ATF7IP: variants seen among roughly 807,000 people sequenced by gnomAD.
ATF7IP encodes the protein activating transcription factor 7 interacting protein.
In ATF7IP, 23 loss-of-function variants were observed where a neutral mutation model predicts 106.4. That is an observed-to-expected ratio of 0.22 (90% CI 0.16 to 0.31). The LOEUF (loss-of-function observed/expected upper bound fraction) is 0.31, where lower values mean the gene tolerates loss of function less well. Ranked by LOEUF, ATF7IP falls within the 10% of genes least tolerant of loss-of-function variation. ATF7IP has a pLI of 1.00. For missense variants in ATF7IP, 1,334 were observed against 1,524.3 expected, an observed-to-expected ratio of 0.88 and a Z score of 2.08; for synonymous variants, 542 against 539.0, an observed-to-expected ratio of 1.01 and a Z score of -0.08.
At chr12:14,464,788 A>G (rs527493672) in intron 9 of ATF7IP, among the ~76,000 whole-genome samples, 1 of 152,378 alleles carries the variant, frequency 6.6e-6, no homozygotes, top group South Asian at 2.1e-4. Flanking sequence ...AATAATTAAC[A>G]TAGCTCTGAG....
At chr12:14,385,209 G>A (rs1414866624) in intron 1 of ATF7IP, 1 of 500,252 alleles carries the variant, frequency 2.0e-6, no homozygotes, top group Non-Finnish European at 3.5e-6. Flanking sequence ...CAAAGTGGGA[G>A]GGGCTTTGTT....
chr12:14,368,987 C>T (rs997518224), intron 1 of ATF7IP, among the ~76,000 whole-genome samples: 10 of 151,426 alleles, frequency 6.6e-5, no homozygotes, highest in African/African-American at 2.4e-4. Flanking sequence ...TCTTGCTCTG[C>T]TGCGCATGCT....
At position 14,480,958 on chromosome 12, in the gene ATF7IP, G is replaced by A. The variant is rs748562146; in HGVS notation, c.3098-45G>A. 1.5e-5 allele frequency: 23 copies of A among 1,566,862 alleles called. No individual in the cohort carries two copies. In the East Asian group the frequency reaches 3.1e-4, roughly 21 times the overall value. On this transcript the variant is annotated intron_variant, in intron 12 of 14. Transcript: ENST00000261168. ...TGCCATTTAATACTGTTTGCTTAACGTAGAATTTACTGTATTCTTAATATC... is the reference window on the plus strand; with the variant it reads ...TGCCATTTAATACTGTTTGCTTAACATAGAATTTACTGTATTCTTAATATC...
chr12:14,441,864 C>T (rs770404646), intron 5 of ATF7IP, among the ~76,000 whole-genome samples: 1 of 152,128 alleles, frequency 6.6e-6, no homozygotes, highest in Non-Finnish European at 1.5e-5. Context: ...TATTTTCTCC[C>T]GTTCTGTAAT....
Position 14,424,675 on chromosome 12 carries a change from C to T in ATF7IP, c.760C>T (p.Leu254=). 1 of 1,614,088 alleles carries T rather than the reference C, an allele frequency of 6.2e-7. No homozygotes were observed. Among genetic ancestry groups the T allele is most frequent in the South Asian group, 1.1e-5 (1 of 91,080 alleles). ...PASTDPASDD[L]ASGDLSSSEL... The stretch of plus-strand genomic sequence containing the variant: ...TTCCACTGATCCAGCCTCTGATGAT[C>T]TGGCCTCTGGTGATCTATCCTCTAG... The change falls in exon 2 of 15, where the codon CTG becomes TTG. Residue 254 remains leucine (L), a synonymous_variant. Coordinates refer to ENST00000261168, the MANE Select transcript of ATF7IP (RefSeq NM_018179.5).
At chr12:14,385,547 T>C in intron 1 of ATF7IP, 1 of 667,906 alleles carries the variant, frequency 1.5e-6, no homozygotes, top group Non-Finnish European at 2.5e-6. Flanking sequence ...GCCTTTATTA[T>C]GGAAACAGTA....
intron 6 of ATF7IP, among the ~76,000 whole-genome samples, chr12:14,448,629 A>G (rs576091939): frequency 2.1e-4 from 32 of 152,288 alleles, no homozygotes; most frequent in African/African-American, 7.7e-4. Flanking sequence ...GAGTGCAGCT[A>G]TCTCTTTGAG....
intron 6 of ATF7IP, among the ~76,000 whole-genome samples, chr12:14,454,208 T>C (rs4576875): frequency 0.1 from 15,967 of 152,096 alleles, 1,055 homozygotes; most frequent in African/African-American, 0.19. Context: ...GGCTTTTGCT[T>C]GTACTCTTCC....
intron 13 of ATF7IP, among the ~76,000 whole-genome samples, chr12:14,486,199 A>T (rs1006810708): frequency 3.9e-5 from 6 of 152,186 alleles, no homozygotes; most frequent in African/African-American, 1.4e-4. Context: ...CAGACCTGAG[A>T]TAAAATTCCA....
At chr12:14,405,161 C>T (rs1401464044) in intron 1 of ATF7IP, among the ~76,000 whole-genome samples, 1 of 149,672 alleles carries the variant, frequency 6.7e-6, no homozygotes, top group African/African-American at 2.4e-5. Context: ...TTGTTGTATG[C>T]CCAGTAGTAG....
rs187612790 is a variant in ATF7IP at position 14,435,292 on chromosome 12, T to C, written c.1646-814T>C. Among the ~76,000 whole-genome samples the C allele has an allele frequency of 7.9e-5, 12 of 152,282 alleles. No individual in the cohort carries two copies. In the East Asian group the frequency reaches 2.3e-3, roughly 29 times the overall value. ...CAGTAACTTTCCTGTCATGCTGCTATCCATATATGACCATGGGTAAGTTAA... is the reference window on the plus strand; with the variant it reads ...CAGTAACTTTCCTGTCATGCTGCTACCCATATATGACCATGGGTAAGTTAA... On this transcript the variant is annotated intron_variant, in intron 3 of 14. Transcript: ENST00000261168.
intron 13 of ATF7IP, among the ~76,000 whole-genome samples, chr12:14,493,987 C>T (rs889003872): frequency 2.0e-5 from 3 of 151,858 alleles, no homozygotes; most frequent in Admixed American, 6.6e-5. Flanking sequence ...CACATATGGT[C>T]CAAGGTATTA....
intron 1 of ATF7IP, among the ~76,000 whole-genome samples, chr12:14,419,568 T>C (rs1304880133): frequency 6.6e-6 from 1 of 152,114 alleles, no homozygotes; most frequent in Non-Finnish European, 1.5e-5. Context: ...AACTTAATTA[T>C]TTTGTAGTTT....
intron 11 of ATF7IP, 176 bp downstream of exon 11, chr12:14,476,144 C>T: frequency 1.8e-6 from 1 of 545,002 alleles, no homozygotes; most frequent in Non-Finnish European, 3.2e-6. Flanking sequence ...TGCAGTGTCT[C>T]ACACCTGTAA....
intron 10 of ATF7IP, among the ~76,000 whole-genome samples, chr12:14,471,249 T>C (rs1051011386): frequency 6.6e-6 from 1 of 152,230 alleles, no homozygotes; most frequent in African/African-American, 2.4e-5. Flanking sequence ...AAGATTATGC[T>C]GCTATTGGGT....
At chr12:14,454,284 C>T (rs186000072) in intron 6 of ATF7IP, among the ~76,000 whole-genome samples, 1 of 152,268 alleles carries the variant, frequency 6.6e-6, no homozygotes, top group Non-Finnish European at 1.5e-5. Flanking sequence ...ATAGCAGCCT[C>T]TGGTACTTTG....
intron 2 of ATF7IP, among the ~76,000 whole-genome samples, chr12:14,432,604 G>A (rs1237273037): frequency 2.0e-5 from 3 of 152,002 alleles, no homozygotes; most frequent in African/African-American, 4.8e-5. Flanking sequence ...TACTTCTAGC[G>A]CCTTAATAGG....
chr12:14,373,957 T>C (rs529488952), intron 1 of ATF7IP, among the ~76,000 whole-genome samples: 1 of 152,214 alleles, frequency 6.6e-6, no homozygotes, highest in South Asian at 2.1e-4. Context: ...CAGGTTAACT[T>C]GCTTAATTCA....
chr12:14,491,678 G>A (rs1487648095), intron 13 of ATF7IP, among the ~76,000 whole-genome samples: 1 of 152,222 alleles, frequency 6.6e-6, no homozygotes, highest in African/African-American at 2.4e-5. Flanking sequence ...TTTGCCCACT[G>A]AAGGCAAATT....
Sources: allele counts gnomAD v4.1 joint callset (sites outside exome capture counted in the v4.1 genomes callset), GRCh38; gene constraint gnomAD v4.1.1; transcripts MANE v1.5; gene names NCBI Gene and HGNC (gene_info 2026-07-23, HGNC 2026-07-21).